LRP2: variants seen among roughly 807,000 people sequenced by gnomAD.
LRP2 encodes LDL receptor related protein 2.
In LRP2, 172 loss-of-function variants were observed where a neutral mutation model predicts 531.0. That is an observed-to-expected ratio of 0.32 (90% CI 0.29 to 0.37). The LOEUF is 0.37. LRP2 is among the 10% of genes least tolerant of loss of function. LRP2 has a pLI of 1.00. For synonymous variants in LRP2, 1,992 were observed against 2,027.6 expected, an observed-to-expected ratio of 0.98 and a Z score of 0.47; for missense variants, 5,167 against 5,868.3, an observed-to-expected ratio of 0.88 and a Z score of 3.90.
At chr2:169,208,573 C>T (rs2105335947) in intron 38 of LRP2, among the ~76,000 whole-genome samples, 1 of 152,280 alleles carries the variant, frequency 6.6e-6, no homozygotes, top group East Asian at 1.9e-4. Context: ...TCTCCTGCCT[C>T]AGGCTCCTGA....
chr2:169,268,611 T>C (rs1436148393), intron 16 of LRP2, among the ~76,000 whole-genome samples: 1 of 152,172 alleles, frequency 6.6e-6, no homozygotes, highest in East Asian at 1.9e-4. Context: ...CTCAAAATAA[T>C]AAGAGCTATT....
intron 1 of LRP2, among the ~76,000 whole-genome samples, chr2:169,345,170 T>C (rs1359213232): frequency 6.6e-6 from 1 of 152,184 alleles, no homozygotes; most frequent in Non-Finnish European, 1.5e-5. Context: ...GGGTAAATCG[T>C]TAAATAAAAA....
chr2:169,302,800 C>G (rs1365966538), intron 4 of LRP2, among the ~76,000 whole-genome samples: 1 of 151,328 alleles, frequency 6.6e-6, no homozygotes, highest in Admixed American at 6.6e-5. Flanking sequence ...GAAGGAAACC[C>G]CATAAATTGA....
intron 28 of LRP2, 37 bp downstream of exon 28, chr2:169,237,066 C>A: frequency 6.5e-7 from 1 of 1,542,690 alleles, no homozygotes; most frequent in South Asian, 1.1e-5. Context: ...TCATCATAAC[C>A]ATGTCAAGGC....
At chr2:169,337,468 G>T (rs1267292612) in intron 1 of LRP2, among the ~76,000 whole-genome samples, 1 of 152,156 alleles carries the variant, frequency 6.6e-6, no homozygotes, top group African/African-American at 2.4e-5. Context: ...CCCAAATACA[G>T]TCAAAGGGCT....
rs765553466 is a variant in LRP2, at chr2:169,201,921, C to T, written c.8210-51G>A. 147 of 1,606,604 alleles carry T rather than the reference C, an allele frequency of 9.1e-5. 1 individual carries two copies. The highest frequency in any genetic ancestry group is 5.8e-4 in the Admixed American group (35 of 59,932). On this transcript the variant is annotated intron_variant, in intron 43 of 78. Transcript: ENST00000649046. ...AAACCCTCTTGATTAAAACATTATC[C>T]TAATTTTTAAAAAGATACAATTAAA...
At chr2:169,361,350 G>GTCTCTCTCTCTC (rs1216824209) in intron 1 of LRP2, among the ~76,000 whole-genome samples, 1 of 21,966 alleles carries the variant, frequency 4.6e-5, no homozygotes, top group Non-Finnish European at 9.4e-5. Flanking sequence ...GTCTCTCTCT[G>GTCTCTCTCTCTC]TCTCTCTCTC....
At chr2:169,168,292 A>G (rs2105271625) in intron 61 of LRP2, among the ~76,000 whole-genome samples, 1 of 152,066 alleles carries the variant, frequency 6.6e-6, no homozygotes. Context: ...TTTTCAAGCA[A>G]CATTTCCCTT....
intron 1 of LRP2, among the ~76,000 whole-genome samples, chr2:169,343,266 C>T (rs1685612723): frequency 6.6e-6 from 1 of 152,190 alleles, no homozygotes; most frequent in South Asian, 2.1e-4. Context: ...AAGAACCAAA[C>T]ATTCTTGGGG....
chr2:169,209,373 TG>T lies in LRP2; in HGVS notation c.6469+79del. On this transcript the variant is annotated intron_variant, in intron 38 of 78. Transcript: ENST00000649046. ...TCTAGAAAAACAAACCTGTAGCACA[TG>T]GAGTTAGGCTAAACTTTCTAGCATA... 3.6e-6 allele frequency: 5 copies of T among 1,393,314 alleles called. No homozygotes were observed. The South Asian group carries it at 5.8e-5, about 16-fold the overall frequency. The allele number at this position is 1,393,314 out of a possible 1,614,324, so 86.3% of individuals were successfully genotyped here.
intron 1 of LRP2, among the ~76,000 whole-genome samples, chr2:169,356,332 C>T (rs915739751): frequency 3.9e-5 from 6 of 152,208 alleles, no homozygotes; most frequent in Admixed American, 2.0e-4. Context: ...TGCACAGGTG[C>T]ATCATTCTCA....
chr2:169,137,029 C>T (rs545595421), intron 76 of LRP2, among the ~76,000 whole-genome samples: 13 of 152,370 alleles, frequency 8.5e-5, no homozygotes, highest in African/African-American at 3.1e-4. Context: ...CAATTCTCCA[C>T]TCATTCATTT....
Position 169,273,046 on chromosome 2 carries a change from T to C in LRP2, c.1997A>G (p.Asn666Ser), listed in dbSNP as rs1683460751. Residue 666 changes from asparagine to serine, a missense_variant, in exon 15 of 79, where the codon AAC becomes AGC. This residue lies in a region of LRP2 where 2,811 missense variants were observed against 3,058.0 expected (regional missense o/e 0.92). Transcript: ENST00000649046. ...QPYATNPCKD[N>S]NGGCEQVCVL... ...ACAGACCTGCTCACAGCCCCCATTG[T>C]TATCTTTACACGGATTGGTAGCTGG... The C allele has an allele frequency of 6.2e-7, 1 of 1,613,722 alleles. No individual in the cohort carries two copies. Among genetic ancestry groups the C allele is most frequent in the Non-Finnish European group, 8.5e-7 (1 of 1,179,736 alleles).
chr2:169,347,864 A>G (rs1559086377), intron 1 of LRP2, among the ~76,000 whole-genome samples: 1 of 152,204 alleles, frequency 6.6e-6, no homozygotes. Context: ...AGTAGCAAAA[A>G]AATGTCCAAA....
Position 169,168,997 on chromosome 2 carries a change from CATCATGGATGGTT to C in LRP2, c.11498-334_11498-322del, listed in dbSNP as rs1686892689. On this transcript the variant is annotated intron_variant, in intron 60 of 78. Coordinates refer to ENST00000649046, the MANE Select transcript of LRP2 (RefSeq NM_004525.3). ...TGGCAACCACATCATCAACGATAACCATCATGGATGGTTATCATGGATGATGGTTATTGTTGAT... is the reference window on the plus strand; with the variant it reads ...TGGCAACCACATCATCAACGATAACCATCATGGATGATGGTTATTGTTGAT... 2.6e-5 allele frequency among the ~76,000 whole-genome samples: 4 copies of C among 152,304 alleles called. No individual in the cohort carries two copies. The South Asian group carries it at 8.3e-4, about 32-fold the overall frequency.
chr2:169,300,457 A>G (rs1237317418), intron 4 of LRP2, among the ~76,000 whole-genome samples: 1 of 152,104 alleles, frequency 6.6e-6, no homozygotes, highest in Non-Finnish European at 1.5e-5. Context: ...AATCAGTTGG[A>G]TATATCACAT....
Position 169,241,047 on chromosome 2 carries a change from C to T in LRP2, c.3986G>A (p.Ser1329Asn). 6.2e-7 allele frequency: 1 copy of T among 1,614,154 alleles called. No homozygotes were observed. The highest frequency in any genetic ancestry group is 8.5e-7 in the Non-Finnish European group (1 of 1,180,026). Residue 1329 changes from serine (S) to asparagine (N), a missense_variant, in exon 25 of 79, where the codon AGT becomes AAT. Physicochemically the swap from Ser to Asn is conservative, Grantham distance 46. Around this residue, in one of 6 missense-constraint regions of LRP2, gnomAD observed 2,811 missense variants for 3,058.0 expected, o/e 0.92. Coordinates refer to ENST00000649046, the MANE Select transcript of LRP2 (RefSeq NM_004525.3). The stretch of plus-strand genomic sequence containing the variant: ...GTCAAAGATGCCATCACACACTACA[C>T]TCAGATTCACACAGATGTTATGGCC... ...CLGHNICVNL[S>N]VVCDGIFDCP... is the part of the protein sequence containing the mutation.
intron 4 of LRP2, among the ~76,000 whole-genome samples, chr2:169,306,470 G>T (rs1443114808): frequency 6.6e-6 from 1 of 152,148 alleles, no homozygotes; most frequent in South Asian, 2.1e-4. Flanking sequence ...GGAGGTGGAG[G>T]TTGCGGTGAG....
rs781687435 is a variant in LRP2, at chr2:169,139,237, A to T, written c.13388+14T>A. The T allele has an allele frequency of 2.5e-6, 4 of 1,614,040 alleles. No homozygotes were observed. The highest frequency in any genetic ancestry group is 1.6e-4 in the Middle Eastern group (1 of 6,080). The stretch of plus-strand genomic sequence containing the variant: ...TAGGCTTCAAACATCAACGTTCCCC[A>T]TAATGAAACTGACCTTGGCAGCTTG... On this transcript the variant is annotated intron_variant, in intron 74 of 78. Coordinates refer to ENST00000649046, the MANE Select transcript of LRP2 (RefSeq NM_004525.3).
Sources: gnomAD v4.1 joint callset for allele counts (sites outside exome capture counted in the v4.1 genomes callset) on GRCh38, gnomAD v4.1.1 for gene constraint, gnomAD v4.1.1 regional missense constraint, MANE v1.5 for transcripts, NCBI Gene and HGNC (gene_info 2026-07-23, HGNC 2026-07-21) for gene names.